KNDC1: variants seen among roughly 807,000 people sequenced by gnomAD.
The protein encoded by KNDC1 is kinase non-catalytic C-lobe domain-containing protein 1.
Under a neutral mutation model 172.8 loss-of-function variants are expected in KNDC1, and 106 were observed. That is an observed-to-expected ratio of 0.61 (90% CI 0.52 to 0.72). KNDC1 has a LOEUF of 0.72. Ranked by LOEUF, KNDC1 falls within the 30% of genes least tolerant of loss-of-function variation. KNDC1 has a pLI of 0.00. For synonymous variants in KNDC1, 1,083 were observed against 1,062.2 expected (o/e 1.02, Z -0.38); for missense variants, 2,325 against 2,394.5 (o/e 0.97, Z 0.61).
Position 133,186,513 on chromosome 10 carries a change from G to C in KNDC1, c.1165G>C (p.Val389Leu). The change falls in exon 6 of 30, where the codon GTG becomes CTG. Residue 389 changes from valine to leucine, a missense_variant. By Grantham distance (32) the Val-to-Leu change is conservative (BLOSUM62 1). Coordinates refer to ENST00000304613, the MANE Select transcript of KNDC1 (RefSeq NM_152643.8). ...AGRSTDRGPG[V>L]PGSPGQPETS... The stretch of plus-strand genomic sequence containing the variant: ...CCGCAGCACGGACAGGGGCCCTGGG[G>C]TGCCCGGCAGTCCAGGACAGCCCGA... 2 of 1,612,294 alleles carry C rather than the reference G, an allele frequency of 1.2e-6. No homozygotes were observed. Among genetic ancestry groups the C allele is most frequent in the Non-Finnish European group, 1.7e-6 (2 of 1,179,802 alleles).
intron 9 of KNDC1, among the ~76,000 whole-genome samples, chr10:133,192,776 T>C (rs1338349783): frequency 2.0e-5 from 3 of 152,054 alleles, no homozygotes; most frequent in Non-Finnish European, 4.4e-5. Context: ...CCAAAAGAAC[T>C]GAACAGAGCC....
rs149395137 is a variant in KNDC1, at chr10:133,215,397, C to T, written c.4677+1275C>T. Among the ~76,000 whole-genome samples the T allele has an allele frequency of 3.3e-5, 5 of 152,336 alleles. No homozygotes were observed. In the East Asian group the frequency reaches 5.8e-4, roughly 18 times the overall value. On this transcript the variant is annotated intron_variant, in intron 26 of 29. Coordinates refer to ENST00000304613, the MANE Select transcript of KNDC1 (RefSeq NM_152643.8). Reference sequence around the variant, plus strand: ...TCCAAGCCCGCAGGCAACCCCGGGCCGTAAACGAAGGCAGAGGCACCGCCT... The same window carrying T: ...TCCAAGCCCGCAGGCAACCCCGGGCTGTAAACGAAGGCAGAGGCACCGCCT...
chr10:133,198,130 G>C (rs536222271), intron 12 of KNDC1, among the ~76,000 whole-genome samples: 1 of 152,056 alleles, frequency 6.6e-6, no homozygotes, highest in African/African-American at 2.4e-5. Flanking sequence ...TTGCTGGCCC[G>C]TCCCCGCCTG....
intron 20 of KNDC1, 106 bp downstream of exon 20, chr10:133,207,457 T>A: frequency 2.9e-6 from 3 of 1,050,180 alleles, no homozygotes; most frequent in Non-Finnish European, 4.2e-6. Flanking sequence ...TTTGCACTTT[T>A]TAGTTTAGAG....
intron 1 of KNDC1, among the ~76,000 whole-genome samples, chr10:133,165,725 C>T (rs1853129686): frequency 6.6e-6 from 1 of 152,190 alleles, no homozygotes; most frequent in African/African-American, 2.4e-5. Flanking sequence ...ACGCAGTGCC[C>T]AGGTACCTCT....
chr10:133,189,334 G>A (rs926152926), intron 7 of KNDC1, among the ~76,000 whole-genome samples: 6 of 152,170 alleles, frequency 3.9e-5, no homozygotes, highest in Non-Finnish European at 5.9e-5. Flanking sequence ...CCTGCCGCTT[G>A]GCTCCCTTTC....
chr10:133,198,479 G>A lies in KNDC1; in HGVS notation c.2049G>A (p.Ala683=), dbSNP rs145902064. The part of the protein sequence containing the change: ...EATHFKPIVL[A]QNASVARDQP... The stretch of plus-strand genomic sequence containing the variant: ...CGCACTTCAAGCCCATTGTCCTCGC[G>A]CAGAACGCAAGTGTGGCCAGGTGAG... The change falls in exon 13 of 30, where the codon GCG becomes GCA. Residue 683 remains alanine, a synonymous_variant. Coordinates refer to ENST00000304613, the MANE Select transcript of KNDC1 (RefSeq NM_152643.8). 6.8e-5 allele frequency: 110 copies of A among 1,606,250 alleles called. 2 individuals carry two copies. The South Asian group carries it at 9.3e-4, about 14-fold the overall frequency.
At position 133,195,664 on chromosome 10, in the gene KNDC1, C is replaced by A. The variant is rs1854168749; in HGVS notation, c.1577C>A (p.Ala526Asp). ...ACTATTCTCTCCCCACCCGCCCAGGCCTCTGTGTACTGTGTGGCCGCCGTT... is the reference window on the plus strand; with the variant it reads ...ACTATTCTCTCCCCACCCGCCCAGGACTCTGTGTACTGTGTGGCCGCCGTT... The part of the protein sequence containing the change: ...LAEERLVTEK[A>D]SVYCVAAVLW... The change falls in exon 10 of 30, where the codon GCC (alanine) becomes GAC (aspartate). Residue 526 changes from alanine (A) to aspartate (D), a missense_variant and splice_region_variant. Physicochemically the swap from Ala to Asp is moderately radical, Grantham distance 126 (BLOSUM62 -2). Transcript: ENST00000304613. 4 of 1,596,838 alleles carry A rather than the reference C, an allele frequency of 2.5e-6. No individual in the cohort carries two copies. Among genetic ancestry groups the A allele is most frequent in the Non-Finnish European group, 3.4e-6 (4 of 1,172,170 alleles).
intron 3 of KNDC1, 87 bp from the exon 4 acceptor site, chr10:133,183,255 CTT>C: frequency 7.1e-7 from 1 of 1,409,624 alleles, no homozygotes; most frequent in Non-Finnish European, 9.5e-7. Context: ...ATTCCTGAAA[CTT>C]GAGCTCCTGG....
At position 133,201,548 on chromosome 10, in the gene KNDC1, T is replaced by C. The variant is rs147778418; in HGVS notation, c.3037T>C (p.Ser1013Pro). ...CAGGACCAGCAGCAGGGCCCCCTGC[T>C]CACCCACCTCGGTGTCGGATGTGGA... ...MARTSSRAPC[S>P]PTSVSDVDSD... The change falls in exon 17 of 30, where the codon TCA (serine) becomes CCA (proline). Residue 1013 changes from serine (S) to proline (P), a missense_variant. Coordinates refer to ENST00000304613, the MANE Select transcript of KNDC1 (RefSeq NM_152643.8). The C allele has an allele frequency of 6.2e-7, 1 of 1,611,260 alleles. No homozygotes were observed. Among genetic ancestry groups the C allele is most frequent in the Non-Finnish European group, 8.5e-7 (1 of 1,179,504 alleles).
Position 133,204,599 on chromosome 10 carries a change from A to G in KNDC1, c.3388-2086A>G, listed in dbSNP as rs1191169252. Among the ~76,000 whole-genome samples the G allele has an allele frequency of 2.0e-5, 3 of 152,312 alleles. No individual in the cohort carries two copies. In the East Asian group the frequency reaches 5.8e-4, roughly 29 times the overall value. ...GTGCGTGGGAGAAGACAGCACAGGGACCCCGTCTCCATGGAACCACCAGAT... is the reference window on the plus strand; with the variant it reads ...GTGCGTGGGAGAAGACAGCACAGGGGCCCCGTCTCCATGGAACCACCAGAT... On this transcript the variant is annotated intron_variant, in intron 17 of 29. Transcript: ENST00000304613.
chr10:133,198,549 GC>G (rs1347883029), intron 13 of KNDC1, 28 bp from the exon 14 acceptor site: 1 of 1,578,324 alleles, frequency 6.3e-7, no homozygotes, highest in South Asian at 1.2e-5. Flanking sequence ...GGCGCAGGCA[GC>G]CCCTCCTGAG....
At chr10:133,177,877 GGT>G (rs766157977) in intron 3 of KNDC1, among the ~76,000 whole-genome samples, 64 of 149,908 alleles carry the variant, frequency 4.3e-4, no homozygotes, top group African/African-American at 1.2e-3. Context: ...TGTGTAGCAT[GGT>G]GTGTGTGTAG....
At position 133,167,541 on chromosome 10, in the gene KNDC1, A is replaced by G. The variant is rs1312350269; in HGVS notation, c.263A>G (p.Asn88Ser). 1 of 1,603,172 alleles carries G rather than the reference A, an allele frequency of 6.2e-7. No homozygotes were observed. Among genetic ancestry groups the G allele is most frequent in the Non-Finnish European group, 8.5e-7 (1 of 1,175,292 alleles). ...ATCACGCCCGACACCCTGGCCTTCAACACCAGCGGGAACGTGTGTTTCATG... is the reference window on the plus strand; with the variant it reads ...ATCACGCCCGACACCCTGGCCTTCAGCACCAGCGGGAACGTGTGTTTCATG... ...LCITPDTLAF[N>S]TSGNVCFMEQ... The change falls in exon 2 of 30, where the codon AAC becomes AGC. Residue 88 changes from asparagine to serine, a missense_variant. Coordinates refer to ENST00000304613, the MANE Select transcript of KNDC1 (RefSeq NM_152643.8).
At chr10:133,194,216 A>T (rs1333151430) in intron 9 of KNDC1, among the ~76,000 whole-genome samples, 1 of 152,246 alleles carries the variant, frequency 6.6e-6, no homozygotes. Flanking sequence ...TTTAAGTCAT[A>T]CAAATGTGTT....
Position 133,209,098 on chromosome 10 carries a change from A to G in KNDC1, c.3795-1513A>G, listed in dbSNP as rs1564896946. Among the ~76,000 whole-genome samples, 1 of 147,630 alleles carries G rather than the reference A, an allele frequency of 6.8e-6. No homozygotes were observed. The highest frequency in any genetic ancestry group is 2.1e-4 in the East Asian group (1 of 4,858). ...GGGGTGATGTGTGGCTTGCGTGCCC[A>G]TGTATGGTGTGTGATGTGGAGTATT... On this transcript the variant is annotated intron_variant, in intron 20 of 29. Transcript: ENST00000304613. This position sits in a 1 kb window ranked among gnomAD's most constrained non-coding sequence, Gnocchi z 4.9.
chr10:133,181,005 G>T (rs1460924854), intron 3 of KNDC1, among the ~76,000 whole-genome samples: 1 of 152,234 alleles, frequency 6.6e-6, no homozygotes, highest in Non-Finnish European at 1.5e-5. Flanking sequence ...GTAAGTGGAG[G>T]TGACCTGGGA....
chr10:133,178,457 C>T (rs922983809), intron 3 of KNDC1, among the ~76,000 whole-genome samples: 9 of 152,214 alleles, frequency 5.9e-5, no homozygotes, highest in African/African-American at 2.4e-5. Flanking sequence ...AGGCTTTCCA[C>T]CCAGCCTCGG....
chr10:133,180,804 A>C (rs983985777), intron 3 of KNDC1, among the ~76,000 whole-genome samples: 1 of 152,242 alleles, frequency 6.6e-6, no homozygotes, highest in Admixed American at 6.5e-5. Flanking sequence ...TTGCATGGGG[A>C]TTTAGAGGAA....
Sources: allele counts gnomAD v4.1 joint callset (sites outside exome capture counted in the v4.1 genomes callset), GRCh38; gene constraint gnomAD v4.1.1; non-coding constraint Gnocchi (gnomAD v3.1); transcripts MANE v1.5; gene names NCBI Gene and HGNC (gene_info 2026-07-23, HGNC 2026-07-21).